NFIX: variants seen among roughly 807,000 people sequenced by gnomAD.
The protein encoded by NFIX is nuclear factor I X, also known as nuclear factor 1 X-type.
Under a neutral mutation model 53.3 loss-of-function variants are expected in NFIX, and 2 were observed. The ratio of observed to expected loss-of-function variants is 0.04; its 90% CI spans 0.02 to 0.12. The LOEUF is 0.12. Among genes scored for constraint, NFIX ranks in the 10% least tolerant of loss-of-function variants. The probability of loss-of-function intolerance (pLI) is 1.00; values close to 1 mark genes in which losing one functional copy is unlikely to be tolerated. For synonymous variants in NFIX, 244 were observed against 289.0 expected (o/e 0.84, Z 1.58); for missense variants, 310 against 674.5 (o/e 0.46, Z 5.99).
At chr19:13,047,094 C>T (rs2015040061) in intron 2 of NFIX, among the ~76,000 whole-genome samples, 1 of 152,170 alleles carries the variant, frequency 6.6e-6, no homozygotes, top group African/African-American at 2.4e-5. Flanking sequence ...GTAATGGAGA[C>T]TGTTTCTCCT....
At chr19:13,057,102 G>A (rs968989099) in intron 2 of NFIX, among the ~76,000 whole-genome samples, 3 of 152,242 alleles carry the variant, frequency 2.0e-5, no homozygotes, top group East Asian at 1.9e-4. Flanking sequence ...AGAGTCTCAG[G>A]GCAAGGCCGC....
rs1568246941 is a variant in NFIX, at chr19:12,995,526, G to GGT, written c.-312_-311insGT. 30 of 150,840 alleles carry GGT rather than the reference G, an allele frequency of 2.0e-4. No homozygotes were observed. The highest frequency in any genetic ancestry group is 1.0e-3 in the Admixed American group (15 of 14,850). 9.3% of individuals were successfully genotyped at this position (150,840 alleles called of 1,614,324 possible). A position where few individuals can be genotyped will look rare whatever the true frequency, so the allele number is the denominator to read the frequency against. On this transcript the variant is annotated 5_prime_UTR_variant, in exon 1 of 11. Transcript: ENST00000592199. ...GCGGCTGCGGCGGCGGCGGCGGCGG[G>GGT]CGAGGGTGACCGGCCGAGCGGCGGC... is the stretch of plus-strand genomic sequence containing the variant.
chr19:13,045,793 T>C lies in NFIX; in HGVS notation c.559+20241T>C, dbSNP rs2014945858. Among the ~76,000 whole-genome samples the C allele has an allele frequency of 6.6e-6, 1 of 152,174 alleles. No individual in the cohort carries two copies. Among genetic ancestry groups the C allele is most frequent in the South Asian group, 2.1e-4 (1 of 4,826 alleles). On this transcript the variant is annotated intron_variant, in intron 2 of 10. Transcript: ENST00000592199. This position sits in a 1 kb window ranked among gnomAD's most constrained non-coding sequence, Gnocchi z 4.4. The stretch of plus-strand genomic sequence containing the variant: ...TTCCTCCTCCAGTGCAAGAGCTGGA[T>C]CCAGGATTGGAGAATTTGCTCTTGC...
In NFIX at chr19:13,012,625, CA is replaced by C; in HGVS notation, c.28-12395del. 6.6e-6 allele frequency among the ~76,000 whole-genome samples: 1 copy of C among 152,350 alleles called. No individual in the cohort carries two copies. Among genetic ancestry groups the C allele is most frequent in the South Asian group, 2.1e-4 (1 of 4,832 alleles). Reference sequence around the variant, plus strand: ...TGGGGGTTCAGGGCCGCCTGTGCCTCAGTTTCTCTCCTCCTGCGCCCATCCT... The same window carrying C: ...TGGGGGTTCAGGGCCGCCTGTGCCTCGTTTCTCTCCTCCTGCGCCCATCCT... On this transcript the variant is annotated intron_variant, in intron 1 of 10. Coordinates refer to ENST00000592199, the MANE Select transcript of NFIX (RefSeq NM_001365902.3). The surrounding 1 kb of genome is among the most constrained non-coding windows in gnomAD (Gnocchi z 5.0).
At chr19:13,056,357 G>C (rs2015693060) in intron 2 of NFIX, among the ~76,000 whole-genome samples, 2 of 152,126 alleles carry the variant, frequency 1.3e-5, no homozygotes, top group Admixed American at 1.3e-4. Flanking sequence ...AGTGGGGAGG[G>C]ATTTCCTTTC....
intron 8 of NFIX, among the ~76,000 whole-genome samples, chr19:13,085,289 C>G (rs1361825113): frequency 6.6e-6 from 1 of 152,128 alleles, no homozygotes; most frequent in Non-Finnish European, 1.5e-5. Context: ...CTGGCCATAT[C>G]AGGCGGGGAT....
rs1351740996 is a variant in NFIX at position 13,052,233 on chromosome 19, T to G, written c.560-20814T>G. ...ATTTCCACCTAGTACCCAGGTGCTG[T>G]TGGTCCTCCAGGCTTTCCCCCTGCC... On this transcript the variant is annotated intron_variant, in intron 2 of 10. Transcript: ENST00000592199. The surrounding 1 kb of genome is among the most constrained non-coding windows in gnomAD (Gnocchi z 5.2). Among the ~76,000 whole-genome samples, 1 of 152,156 alleles carries G rather than the reference T, an allele frequency of 6.6e-6. No homozygotes were observed. Among genetic ancestry groups the G allele is most frequent in the Admixed American group, 6.5e-5 (1 of 15,282 alleles).
At chr19:12,995,939 G>C (rs1246695066) in intron 1 of NFIX, 75 bp downstream of exon 1, 1 of 640,412 alleles carries the variant, frequency 1.6e-6, no homozygotes, top group East Asian at 1.5e-4. Flanking sequence ...CGGGCGGAGG[G>C]GACGCGCGGC....
At chr19:13,069,635 CTGAG>C (rs1321814456) in intron 2 of NFIX, among the ~76,000 whole-genome samples, 4 of 152,180 alleles carry the variant, frequency 2.6e-5, no homozygotes, top group Non-Finnish European at 4.4e-5. Context: ...AGCGTGGAGA[CTGAG>C]TGGGAGGCCC....
rs1241605201 is a variant in NFIX, at chr19:13,027,619, G to A, written c.559+2067G>A. ...CTGACTGGATCCTTGTAGCTGAGTT[G>A]TTTCCCTGGCCTCTTTTATTTTAGG... On this transcript the variant is annotated intron_variant, in intron 2 of 10. Transcript: ENST00000592199. This position sits in a 1 kb window ranked among gnomAD's most constrained non-coding sequence, Gnocchi z 4.3. Among the ~76,000 whole-genome samples the A allele has an allele frequency of 1.3e-5, 2 of 152,184 alleles. No individual in the cohort carries two copies. The highest frequency in any genetic ancestry group is 4.8e-5 in the African/African-American group (2 of 41,434).
Position 12,998,284 on chromosome 19 carries a change from T to C in NFIX, c.27+2420T>C, listed in dbSNP as rs1005558928. Among the ~76,000 whole-genome samples the C allele has an allele frequency of 3.3e-5, 5 of 151,310 alleles. No individual in the cohort carries two copies. The South Asian group carries it at 1.0e-3, about 32-fold the overall frequency. ...TCCCCCCTCCACTGGCGTCTCGGACTCTCTCTCTCTCTGTCTCTCTGGCCT... is the reference window on the plus strand; with the variant it reads ...TCCCCCCTCCACTGGCGTCTCGGACCCTCTCTCTCTCTGTCTCTCTGGCCT... On this transcript the variant is annotated intron_variant, in intron 1 of 10. Transcript: ENST00000592199. The surrounding 1 kb of genome is among the most constrained non-coding windows in gnomAD (Gnocchi z 4.4).
At chr19:13,033,186 G>A (rs1045422452) in intron 2 of NFIX, among the ~76,000 whole-genome samples, 3 of 152,188 alleles carry the variant, frequency 2.0e-5, no homozygotes, top group African/African-American at 4.8e-5. Context: ...GCAGGCCGCC[G>A]TCGCCATTTT....
rs1333292143 is a variant in NFIX, at chr19:12,998,658, G to A, written c.27+2794G>A. ...AGACACAACCAGGATGTGAACTCACGTACACCACCATCACCGCCAAGATGG... is the reference window on the plus strand; with the variant it reads ...AGACACAACCAGGATGTGAACTCACATACACCACCATCACCGCCAAGATGG... On this transcript the variant is annotated intron_variant, in intron 1 of 10. Coordinates refer to ENST00000592199, the MANE Select transcript of NFIX (RefSeq NM_001365902.3). The surrounding 1 kb of genome is among the most constrained non-coding windows in gnomAD (Gnocchi z 4.4). 2.6e-5 allele frequency among the ~76,000 whole-genome samples: 4 copies of A among 151,992 alleles called. No homozygotes were observed. The highest frequency in any genetic ancestry group is 4.4e-5 in the Non-Finnish European group (3 of 68,008).
intron 2 of NFIX, among the ~76,000 whole-genome samples, chr19:13,064,031 TG>T (rs2016250440): frequency 6.6e-6 from 1 of 151,238 alleles, no homozygotes; most frequent in South Asian, 2.1e-4. Context: ...AGAAAGCGGG[TG>T]GGGGTGGAAG....
rs1173491739 is a variant in NFIX, at chr19:13,098,710, A to T, written c.*4061A>T. 1 of 144,606 alleles carries T rather than the reference A, an allele frequency of 6.9e-6. No homozygotes were observed. Among genetic ancestry groups the T allele is most frequent in the Admixed American group, 6.8e-5 (1 of 14,658 alleles). The allele number at this position is 144,606 out of a possible 1,614,324, so 9.0% of individuals were successfully genotyped here. A position where few individuals can be genotyped will look rare whatever the true frequency, so the allele number is the denominator to read the frequency against. ...CCGCCCCCGTCACTGCGCTTCTGTT[A>T]TACCATCTTTGCCTGACTCTCTCCG... is the stretch of plus-strand genomic sequence containing the variant. On this transcript the variant is annotated 3_prime_UTR_variant, in exon 11 of 11. Coordinates refer to ENST00000592199, the MANE Select transcript of NFIX (RefSeq NM_001365902.3).
In NFIX at chr19:13,011,851, T is replaced by G. The variant is rs1226513599; in HGVS notation, c.28-13170T>G. ...GGTTCTCAAGGCGCCTGGCATTTCC[T>G]GGACCCGCTGCAACTGACTCAAGAC... On this transcript the variant is annotated intron_variant, in intron 1 of 10. Coordinates refer to ENST00000592199, the MANE Select transcript of NFIX (RefSeq NM_001365902.3). The surrounding 1 kb of genome is among the most constrained non-coding windows in gnomAD (Gnocchi z 6.5). Among the ~76,000 whole-genome samples, 5 of 152,120 alleles carry G rather than the reference T, an allele frequency of 3.3e-5. No homozygotes were observed. The highest frequency in any genetic ancestry group is 5.9e-5 in the Non-Finnish European group (4 of 68,008).
rs1209180160 is a variant in NFIX, at chr19:13,036,049, G to T, written c.559+10497G>T. On this transcript the variant is annotated intron_variant, in intron 2 of 10. Transcript: ENST00000592199. This position sits in a 1 kb window ranked among gnomAD's most constrained non-coding sequence, Gnocchi z 4.7. ...GGATTCCTGCTGGTGGTATAACCCC[G>T]ACCACAGAAGTCAGGGCCTAAGCCT... Among the ~76,000 whole-genome samples, 1 of 152,150 alleles carries T rather than the reference G, an allele frequency of 6.6e-6. No homozygotes were observed. Among genetic ancestry groups the T allele is most frequent in the South Asian group, 2.1e-4 (1 of 4,828 alleles).
chr19:13,063,131 C>T (rs1025080627), intron 2 of NFIX, among the ~76,000 whole-genome samples: 1 of 152,164 alleles, frequency 6.6e-6, no homozygotes, highest in African/African-American at 2.4e-5. Flanking sequence ...CAATCCCTGC[C>T]GACCCTCTGT....
intron 1 of NFIX, among the ~76,000 whole-genome samples, chr19:13,010,408 A>G (rs2012275319): frequency 1.3e-5 from 2 of 152,380 alleles, no homozygotes; most frequent in South Asian, 4.1e-4. Context: ...GCGCACGCAC[A>G]TAAGCACGCT....
Sources: allele counts gnomAD v4.1 joint callset (sites outside exome capture counted in the v4.1 genomes callset), GRCh38; gene constraint gnomAD v4.1.1; non-coding constraint Gnocchi (gnomAD v3.1); transcripts MANE v1.5; gene names NCBI Gene and HGNC (gene_info 2026-07-23, HGNC 2026-07-21).